Variants in ATP8A2 observed in about 807,000 individuals in gnomAD.
ATP8A2 encodes the protein ATPase phospholipid transporting 8A2, also known as phospholipid-transporting ATPase IB.
Under a neutral mutation model 165.6 loss-of-function variants are expected in ATP8A2, and 100 were observed. That is an observed-to-expected ratio of 0.60 (90% CI 0.51 to 0.71). ATP8A2 has a LOEUF of 0.71. Ranked by LOEUF, ATP8A2 falls within the 30% of genes least tolerant of loss-of-function variation. The pLI is 0.00. For synonymous variants in ATP8A2, 543 were observed against 548.8 expected (o/e 0.99, Z 0.15); for missense variants, 1,227 against 1,479.5 (o/e 0.83, Z 2.80).
At chr13:25,569,114 T>C (rs2039397604) in intron 16 of ATP8A2, among the ~76,000 whole-genome samples, 1 of 152,174 alleles carries the variant, frequency 6.6e-6, no homozygotes, top group Admixed American at 6.5e-5. Flanking sequence ...ATGTTCAGGA[T>C]TGGAAAATTC....
In ATP8A2 at chr13:25,651,409, C is replaced by CTCCA. The variant is rs1047485278; in HGVS notation, c.2212-47763_2212-47760dup. ...AGTGAATCAAGATCACGCCACTGCA[C>CTCCA]TCCAGCCTGGCGGCAGAGTGAGACT... On this transcript the variant is annotated intron_variant, in intron 24 of 36. Transcript: ENST00000381655. Among the ~76,000 whole-genome samples, 28 of 151,826 alleles carry CTCCA rather than the reference C, an allele frequency of 1.8e-4. 1 individual carries two copies. Among genetic ancestry groups the CTCCA allele is most frequent in the Non-Finnish European group, 3.4e-4 (23 of 67,996 alleles).
chr13:25,645,945 G>T (rs982823546), intron 24 of ATP8A2, among the ~76,000 whole-genome samples: 4 of 152,132 alleles, frequency 2.6e-5, no homozygotes, highest in African/African-American at 9.7e-5. Context: ...GGTTTAAAGT[G>T]TTGTTTAAGT....
At chr13:25,703,220 C>T (rs1231034599) in intron 25 of ATP8A2, among the ~76,000 whole-genome samples, 1 of 152,118 alleles carries the variant, frequency 6.6e-6, no homozygotes, top group East Asian at 1.9e-4. Context: ...GCTGGGACTA[C>T]AGGCGCACAC....
chr13:25,676,119 A>G (rs957729164), intron 24 of ATP8A2, among the ~76,000 whole-genome samples: 5 of 152,202 alleles, frequency 3.3e-5, no homozygotes, highest in Non-Finnish European at 7.3e-5. Context: ...TGAAGGATAA[A>G]TATTCTAATA....
chr13:25,938,456 GT>G (rs1043405134), intron 33 of ATP8A2, among the ~76,000 whole-genome samples: 43 of 152,346 alleles, frequency 2.8e-4, no homozygotes, highest in African/African-American at 9.9e-4. Flanking sequence ...GGATCCCGCA[GT>G]AACTGTAAAT....
intron 33 of ATP8A2, among the ~76,000 whole-genome samples, chr13:25,862,943 G>GT (rs1167250942): frequency 6.6e-6 from 1 of 152,160 alleles, no homozygotes; most frequent in African/African-American, 2.4e-5. Context: ...TCATTTGAAT[G>GT]TTTTTTATTT....
intron 25 of ATP8A2, among the ~76,000 whole-genome samples, chr13:25,751,834 A>G (rs909314679): frequency 6.6e-6 from 1 of 151,786 alleles, no homozygotes; most frequent in Non-Finnish European, 1.5e-5. Context: ...AAGGAATAAT[A>G]CACCCAAATC....
At chr13:25,912,853 A>G (rs1566263607) in intron 33 of ATP8A2, among the ~76,000 whole-genome samples, 1 of 152,132 alleles carries the variant, frequency 6.6e-6, no homozygotes, top group Non-Finnish European at 1.5e-5. Context: ...TGGGAGCTTC[A>G]TTTTGTGGTT....
chr13:25,517,111 AC>A (rs2037502905), intron 2 of ATP8A2: 1 of 145,928 alleles, frequency 6.9e-6, no homozygotes, highest in Non-Finnish European at 1.5e-5. Flanking sequence ...AATATAAAGC[AC>A]CTGGTCATGC....
chr13:25,853,634 T>TA (rs1952076484), intron 30 of ATP8A2, among the ~76,000 whole-genome samples: 1 of 152,178 alleles, frequency 6.6e-6, no homozygotes, highest in Admixed American at 6.5e-5. Flanking sequence ...CCATGCCTGC[T>TA]AACCCTTTTG....
intron 33 of ATP8A2, among the ~76,000 whole-genome samples, chr13:25,864,596 A>G (rs1952452261): frequency 6.6e-6 from 1 of 152,238 alleles, no homozygotes; most frequent in Non-Finnish European, 1.5e-5. Flanking sequence ...CCGAAAGCAA[A>G]GAAGTGATCA....
intron 25 of ATP8A2, among the ~76,000 whole-genome samples, chr13:25,743,016 A>G (rs74037418): frequency 0.029 from 4,395 of 152,216 alleles, 200 homozygotes; most frequent in African/African-American, 0.099. Context: ...TTCTTATGTC[A>G]AAGTCCTAAC....
chr13:25,514,037 T>C (rs2037384912), intron 2 of ATP8A2, among the ~76,000 whole-genome samples: 1 of 150,442 alleles, frequency 6.6e-6, no homozygotes, highest in Non-Finnish European at 1.5e-5. Flanking sequence ...GGACTCTTAA[T>C]AGTTGGATAT....
intron 33 of ATP8A2, among the ~76,000 whole-genome samples, chr13:25,865,034 G>A (rs1218631940): frequency 6.6e-6 from 1 of 152,150 alleles, no homozygotes; most frequent in Non-Finnish European, 1.5e-5. Flanking sequence ...CACCTTTGAA[G>A]GATTGCTTGG....
chr13:25,480,638 G>A (rs1175340022), intron 2 of ATP8A2, among the ~76,000 whole-genome samples: 1 of 151,412 alleles, frequency 6.6e-6, no homozygotes, highest in East Asian at 2.0e-4. Flanking sequence ...TAGATGGGAT[G>A]GCGGCCGGGC....
At chr13:25,744,867 T>C (rs2043995043) in intron 25 of ATP8A2, among the ~76,000 whole-genome samples, 1 of 152,224 alleles carries the variant, frequency 6.6e-6, no homozygotes, top group South Asian at 2.1e-4. Context: ...AGAATGTTTT[T>C]ACGGTTGCAT....
chr13:25,599,969 C>T (rs542539069), intron 24 of ATP8A2, among the ~76,000 whole-genome samples: 4 of 152,328 alleles, frequency 2.6e-5, no homozygotes, highest in Admixed American at 6.5e-5. Context: ...GAGTTCCATG[C>T]AGGAAATGGT....
chr13:25,713,791 G>GAGCAAGCAGCTCCCCAGGGT (rs2043200658), intron 25 of ATP8A2, among the ~76,000 whole-genome samples: 4 of 151,866 alleles, frequency 2.6e-5, no homozygotes, highest in Admixed American at 2.6e-4. Context: ...GGGTCCTGGG[G>GAGCAAGCAGCTCCCCAGGGT]AGCTAGCAGC....
chr13:25,587,939 A>G (rs905647307), intron 23 of ATP8A2, among the ~76,000 whole-genome samples: 1 of 152,216 alleles, frequency 6.6e-6, no homozygotes, highest in African/African-American at 2.4e-5. Flanking sequence ...AAATGTATAG[A>G]AAATTGCTTC....
Sources: allele counts gnomAD v4.1 joint callset (sites outside exome capture counted in the v4.1 genomes callset), GRCh38; gene constraint gnomAD v4.1.1; transcripts MANE v1.5; gene names NCBI Gene and HGNC (gene_info 2026-07-23, HGNC 2026-07-21).